Variants in RPS6KA5 observed in about 807,000 individuals in gnomAD.
RPS6KA5 encodes ribosomal protein S6 kinase A5.
In RPS6KA5, 27 loss-of-function variants were observed where a neutral mutation model predicts 85.5. That is an observed-to-expected ratio of 0.32 (90% CI 0.23 to 0.44). The LOEUF (loss-of-function observed/expected upper bound fraction) is 0.44, where lower values mean the gene tolerates loss of function less well. Ranked by LOEUF, RPS6KA5 falls within the 20% of genes least tolerant of loss-of-function variation. The probability of loss-of-function intolerance (pLI) is 1.00; values close to 1 mark genes in which losing one functional copy is unlikely to be tolerated. For missense variants in RPS6KA5, 811 were observed against 980.9 expected (o/e 0.83, Z 2.31); for synonymous variants, 334 against 348.2 (o/e 0.96, Z 0.46).
At chr14:90,904,301 T>C (rs2035382615) in intron 8 of RPS6KA5, among the ~76,000 whole-genome samples, 1 of 152,180 alleles carries the variant, frequency 6.6e-6, no homozygotes, top group Middle Eastern at 3.2e-3. Flanking sequence ...GCCTGGCCCA[T>C]AAAATGTTTT....
chr14:90,862,670 C>A lies in RPS6KA5; in HGVS notation c.*9404G>T, dbSNP rs1451900864. 1 of 152,156 alleles carries A rather than the reference C, an allele frequency of 6.6e-6. No homozygotes were observed. Among genetic ancestry groups the A allele is most frequent in the Non-Finnish European group, 1.5e-5 (1 of 68,092 alleles). 9.4% of individuals were successfully genotyped at this position (152,156 alleles called of 1,614,324 possible). A position where few individuals can be genotyped will look rare whatever the true frequency, so the allele number is the denominator to read the frequency against. On this transcript the variant is annotated 3_prime_UTR_variant, in exon 17 of 17. Coordinates refer to ENST00000614987, the MANE Select transcript of RPS6KA5 (RefSeq NM_004755.4). Reference sequence around the variant, plus strand: ...GTAGAGATGAGGTCTCTCTATGTTGCCCAGGCTGGTCTCCAACTCCTGGGC... The same window carrying A: ...GTAGAGATGAGGTCTCTCTATGTTGACCAGGCTGGTCTCCAACTCCTGGGC...
chr14:91,026,338 C>T (rs766727442), intron 1 of RPS6KA5, among the ~76,000 whole-genome samples: 1 of 152,144 alleles, frequency 6.6e-6, no homozygotes, highest in Non-Finnish European at 1.5e-5. Context: ...TCAAGCGATC[C>T]TCTCACCTCA....
intron 2 of RPS6KA5, 81 bp downstream of exon 2, chr14:91,001,007 T>C (rs2040763729): frequency 2.7e-6 from 2 of 751,300 alleles, no homozygotes; most frequent in Non-Finnish European, 4.4e-6. Flanking sequence ...TTTTAATTTC[T>C]GTATTGGGGA....
At position 90,943,148 on chromosome 14, in the gene RPS6KA5, A is replaced by G; in HGVS notation, c.548T>C (p.Ile183Thr). Reference sequence around the variant, plus strand: ...CACATGGCCATTAGAATCAAGTAGAATATTCTCAAGCTTAATATCACGATA... The same window carrying G: ...CACATGGCCATTAGAATCAAGTAGAGTATTCTCAAGCTTAATATCACGATA... The part of the protein sequence containing the change: ...IIYRDIKLEN[I>T]LLDSNGHVVL... The change falls in exon 5 of 17, where the codon ATT becomes ACT. Residue 183 changes from isoleucine (I) to threonine (T), a missense_variant. Ile to Thr is a moderately conservative substitution (Grantham distance 89). Around this residue, in one of 3 missense-constraint regions of RPS6KA5, gnomAD observed 650 missense variants for 793.4 expected, o/e 0.82. Transcript: ENST00000614987. The G allele has an allele frequency of 6.2e-7, 1 of 1,612,130 alleles. No individual in the cohort carries two copies. Among genetic ancestry groups the G allele is most frequent in the African/African-American group, 1.3e-5 (1 of 75,008 alleles).
At chr14:90,966,450 G>C (rs78356017) in intron 3 of RPS6KA5, among the ~76,000 whole-genome samples, 3,942 of 152,262 alleles carry the variant, frequency 0.026, 67 homozygotes, top group Non-Finnish European at 0.037. Context: ...ATGAAGAGAT[G>C]TTTGAGTAGG....
intron 7 of RPS6KA5, among the ~76,000 whole-genome samples, chr14:90,910,993 A>G (rs2035788778): frequency 6.6e-6 from 1 of 152,064 alleles, no homozygotes; most frequent in African/African-American, 2.4e-5. Context: ...GGATGCTCTT[A>G]AACCCACTGA....
rs1488255106 is a variant in RPS6KA5 at position 90,855,653 on chromosome 14, G to A, written c.*16421C>T. The A allele has an allele frequency of 6.8e-6, 1 of 147,148 alleles. No individual in the cohort carries two copies. Among genetic ancestry groups the A allele is most frequent in the Admixed American group, 6.9e-5 (1 of 14,450 alleles). The allele number at this position is 147,148 out of a possible 1,614,324, so 9.1% of individuals were successfully genotyped here. A position where few individuals can be genotyped will look rare whatever the true frequency, so the allele number is the denominator to read the frequency against. Reference sequence around the variant, plus strand: ...GACAGAGTCTTGCTCTGTTGCCCAGGCTGGAGTGCAGTGGCGCGATCTCGG... The same window carrying A: ...GACAGAGTCTTGCTCTGTTGCCCAGACTGGAGTGCAGTGGCGCGATCTCGG... On this transcript the variant is annotated 3_prime_UTR_variant, in exon 17 of 17. Transcript: ENST00000614987.
intron 10 of RPS6KA5, 28 bp downstream of exon 10, chr14:90,900,583 T>C (rs539003525): frequency 2.5e-6 from 4 of 1,594,372 alleles, no homozygotes; most frequent in African/African-American, 2.7e-5. Context: ...CCTACAAATA[T>C]GTCATATAAG....
intron 2 of RPS6KA5, among the ~76,000 whole-genome samples, chr14:90,990,850 A>G (rs1396984297): frequency 6.6e-6 from 1 of 152,178 alleles, no homozygotes; most frequent in African/African-American, 2.4e-5. Flanking sequence ...ATAAAAATGG[A>G]AAGAATAGAT....
chr14:90,891,158 A>G (rs1336802846), intron 13 of RPS6KA5, among the ~76,000 whole-genome samples: 1 of 151,696 alleles, frequency 6.6e-6, no homozygotes, highest in Non-Finnish European at 1.5e-5. Context: ...AAGGACGGGG[A>G]CTATGTGTCT....
intron 9 of RPS6KA5, among the ~76,000 whole-genome samples, chr14:90,901,722 A>G (rs2035182009): frequency 6.6e-6 from 1 of 152,262 alleles, no homozygotes; most frequent in African/African-American, 2.4e-5. Flanking sequence ...GTATACTTAT[A>G]GAAGTCAAAG....
rs551582494 is a variant in RPS6KA5 at position 91,004,722 on chromosome 14, CTT to C, written c.104-3565_104-3564del. ...GTGGCTCACACCTGTAATCCCAACA[CTT>C]TGGGAGGCCGAGGCGGGTGGATCAC... On this transcript the variant is annotated intron_variant, in intron 1 of 16. Coordinates refer to ENST00000614987, the MANE Select transcript of RPS6KA5 (RefSeq NM_004755.4). Among the ~76,000 whole-genome samples, 1,105 of 152,122 alleles carry C rather than the reference CTT, an allele frequency of 7.3e-3. 5 individuals carry two copies. The highest frequency in any genetic ancestry group is 0.01 in the Non-Finnish European group (704 of 67,964).
At chr14:90,983,138 G>A (rs1231436036) in intron 2 of RPS6KA5, among the ~76,000 whole-genome samples, 7 of 151,232 alleles carry the variant, frequency 4.6e-5, no homozygotes, top group African/African-American at 7.3e-5. Context: ...TTAGCTGGGC[G>A]TGGTGGCGGG....
chr14:90,967,673 T>C (rs1019621373), intron 3 of RPS6KA5, among the ~76,000 whole-genome samples: 2 of 152,234 alleles, frequency 1.3e-5, no homozygotes, highest in African/African-American at 4.8e-5. Flanking sequence ...AGTTTTAAAA[T>C]TGCAGAGATA....
intron 8 of RPS6KA5, among the ~76,000 whole-genome samples, 176 bp downstream of exon 8, chr14:90,905,973 C>T (rs2035476395): frequency 6.6e-6 from 1 of 151,936 alleles, no homozygotes; most frequent in African/African-American, 2.4e-5. Flanking sequence ...GAATTTTGGC[C>T]CTACTGAAAG....
At position 91,043,768 on chromosome 14, in the gene RPS6KA5, C is replaced by G. The variant is rs556701348; in HGVS notation, c.103+16564G>C. 2.4e-4 allele frequency among the ~76,000 whole-genome samples: 36 copies of G among 152,330 alleles called. No homozygotes were observed. In the South Asian group the frequency reaches 6.8e-3, roughly 29 times the overall value. Reference sequence around the variant, plus strand: ...ATACGCATTTCCCCTGGTTCACTATCTTCTGTGACTTCTAAGGAGGAATTC... The same window carrying G: ...ATACGCATTTCCCCTGGTTCACTATGTTCTGTGACTTCTAAGGAGGAATTC... On this transcript the variant is annotated intron_variant, in intron 1 of 16. Coordinates refer to ENST00000614987, the MANE Select transcript of RPS6KA5 (RefSeq NM_004755.4).
chr14:90,900,823 T>C (rs1293453173), intron 9 of RPS6KA5, 87 bp from the exon 10 acceptor site: 3 of 1,104,896 alleles, frequency 2.7e-6, no homozygotes, highest in African/African-American at 1.6e-5. Flanking sequence ...TTTTTTTCCT[T>C]AGAAAAACAC....
chr14:90,953,173 A>G (rs566458144), intron 3 of RPS6KA5, among the ~76,000 whole-genome samples: 1 of 152,306 alleles, frequency 6.6e-6, no homozygotes, highest in Admixed American at 6.5e-5. Context: ...AACTGTGAAG[A>G]TTTCATTTTA....
At chr14:90,895,840 T>C (rs2034808896) in intron 12 of RPS6KA5, among the ~76,000 whole-genome samples, 1 of 152,068 alleles carries the variant, frequency 6.6e-6, no homozygotes, top group African/African-American at 2.4e-5. Flanking sequence ...CAGGGAGCCG[T>C]CACTGTGCCA....
Sources: allele counts gnomAD v4.1 joint callset (sites outside exome capture counted in the v4.1 genomes callset), GRCh38; gene constraint gnomAD v4.1.1; regional missense constraint gnomAD v4.1.1; transcripts MANE v1.5; gene names NCBI Gene and HGNC (gene_info 2026-07-23, HGNC 2026-07-21).